The following TM4SF4 variants were observed in gnomAD, a reference collection of about 807,000 sequenced individuals.
The protein encoded by TM4SF4 is transmembrane 4 L6 family member 4.
A neutral mutation model predicts 24.1 loss-of-function variants in TM4SF4; 24 were observed. The ratio of observed to expected loss-of-function variants is 1.00; its 90% confidence interval spans 0.72 to 1.40. The LOEUF is 1.40. TM4SF4 is among the 40% of genes most tolerant of loss of function. The probability of loss-of-function intolerance (pLI) is 0.00; values close to 1 mark genes in which losing one functional copy is unlikely to be tolerated. For synonymous variants in TM4SF4, 113 were observed against 97.0 expected (o/e 1.17, Z -0.97); for missense variants, 254 against 254.2 (o/e 1.00, Z 0.01).
chr3:149,498,619 G>A (rs1212415087), intron 3 of TM4SF4, 103 bp from the exon 4 acceptor site: 5 of 987,002 alleles, frequency 5.1e-6, no homozygotes, highest in African/African-American at 4.8e-5. Context: ...AGCTAGTTTT[G>A]GGTGGAAAGT....
intron 2 of TM4SF4, among the ~76,000 whole-genome samples, chr3:149,484,363 G>T (rs1379602321): frequency 1.6e-5 from 2 of 124,348 alleles, no homozygotes; most frequent in African/African-American, 5.5e-5. Context: ...GCTTATTTTA[G>T]AATGCAATTG....
chr3:149,475,001 C>T lies in TM4SF4; in HGVS notation c.124C>T (p.Leu42Phe). ...AAAAGTGATAGATGACAACGACCAC[C>T]TTTCCCAAGAGATCTGGTTTTTCGG... ...GGKVIDDNDH[L>F]SQEIWFFGGI... The change falls in exon 1 of 5, where the codon CTT (leucine) becomes TTT (phenylalanine). Residue 42 changes from leucine (L) to phenylalanine (F), a missense_variant. Coordinates refer to ENST00000305354, the MANE Select transcript of TM4SF4 (RefSeq NM_004617.4). The T allele has an allele frequency of 6.2e-7, 1 of 1,613,886 alleles. No homozygotes were observed. The highest frequency in any genetic ancestry group is 1.1e-5 in the South Asian group (1 of 91,066).
chr3:149,478,088 T>A (rs1299959206), intron 2 of TM4SF4, among the ~76,000 whole-genome samples: 3 of 152,206 alleles, frequency 2.0e-5, no homozygotes, highest in Non-Finnish European at 4.4e-5. Flanking sequence ...CAAAACTTGG[T>A]TTTTAAAATC....
chr3:149,487,860 AGCCTCAGGCTCGGTGCTCCTTT>A, intron 3 of TM4SF4, 105 bp downstream of exon 3: 4 of 1,487,946 alleles, frequency 2.7e-6, no homozygotes, highest in Non-Finnish European at 3.7e-6. Flanking sequence ...TCCTTATGCA[AGCCTCAGGCTCGGTGCTCCTTT>A]GAGGCAGAGA....
intron 3 of TM4SF4, among the ~76,000 whole-genome samples, chr3:149,497,021 G>C (rs887181253): frequency 6.6e-6 from 1 of 152,090 alleles, no homozygotes; most frequent in African/African-American, 2.4e-5. Context: ...TTTAAAAAAA[G>C]AGAAAAAGAA....
chr3:149,497,892 A>G (rs989965574), intron 3 of TM4SF4, among the ~76,000 whole-genome samples: 1 of 152,112 alleles, frequency 6.6e-6, no homozygotes, highest in African/African-American at 2.4e-5. Context: ...TGATCTGCCC[A>G]CTTTGGCCTC....
chr3:149,484,210 C>T (rs1440607074), intron 2 of TM4SF4, among the ~76,000 whole-genome samples: 1 of 152,186 alleles, frequency 6.6e-6, no homozygotes, highest in Non-Finnish European at 1.5e-5. Flanking sequence ...CTGAATACAA[C>T]ATTTATGTGT....
chr3:149,498,676 G>T, intron 3 of TM4SF4, 46 bp from the exon 4 acceptor site: 2 of 1,571,424 alleles, frequency 1.3e-6, no homozygotes, highest in Non-Finnish European at 1.7e-6. Flanking sequence ...GGAGGGAATT[G>T]CACACTTTTT....
intron 2 of TM4SF4, among the ~76,000 whole-genome samples, chr3:149,476,826 T>G (rs190973943): frequency 3.6e-5 from 5 of 136,988 alleles, no homozygotes; most frequent in East Asian, 3.9e-4. Flanking sequence ...TTTTTTTTTT[T>G]TTTTTGAGAC....
At chr3:149,479,371 T>C (rs555105138) in intron 2 of TM4SF4, among the ~76,000 whole-genome samples, 66 of 151,524 alleles carry the variant, frequency 4.4e-4, no homozygotes, top group African/African-American at 1.6e-3. Flanking sequence ...CTTTTCTTTT[T>C]TTTTTTTTTG....
At chr3:149,486,989 C>T (rs1560030918) in intron 2 of TM4SF4, among the ~76,000 whole-genome samples, 1 of 152,190 alleles carries the variant, frequency 6.6e-6, no homozygotes, top group Non-Finnish European at 1.5e-5. Flanking sequence ...TGCGGTGACT[C>T]ACATCTGTAA....
intron 3 of TM4SF4, chr3:149,495,085 A>G (rs549569271): frequency 3.9e-6 from 1 of 258,948 alleles, no homozygotes; most frequent in African/African-American, 2.3e-5. Context: ...GAAACAACCA[A>G]TTGTTGGTGT....
At position 149,487,726 on chromosome 3, in the gene TM4SF4, T is replaced by C. The variant is rs775842843; in HGVS notation, c.372T>C (p.Asn124=). The change falls in exon 3 of 5, where the codon AAT becomes AAC. Residue 124 remains asparagine (N), a synonymous_variant. Transcript: ENST00000305354. ...INKGPKCLMA[N]STWGYPFHDG... is the part of the protein sequence containing the mutation. ...AGGGTCCTAAATGCCTCATGGCCAA[T>C]AGTACATGGGGCTACCCCTTCCACG... The C allele has an allele frequency of 1.2e-6, 2 of 1,614,012 alleles. No homozygotes were observed.
intron 3 of TM4SF4, among the ~76,000 whole-genome samples, chr3:149,491,751 G>A (rs1214597797): frequency 6.6e-6 from 1 of 152,112 alleles, no homozygotes; most frequent in East Asian, 1.9e-4. Flanking sequence ...AAGGAGTGCG[G>A]GGGGAAACTT....
chr3:149,477,405 A>G (rs1257941056), intron 2 of TM4SF4, among the ~76,000 whole-genome samples: 1 of 152,262 alleles, frequency 6.6e-6, no homozygotes, highest in Non-Finnish European at 1.5e-5. Flanking sequence ...ATGTCCACCT[A>G]AAAGATTCAT....
intron 3 of TM4SF4, among the ~76,000 whole-genome samples, chr3:149,493,031 C>T (rs1308720357): frequency 2.0e-5 from 3 of 152,220 alleles, no homozygotes; most frequent in African/African-American, 7.2e-5. Context: ...GTAACAGCAA[C>T]ATCCACCTCA....
At chr3:149,498,003 T>G (rs1001477959) in intron 3 of TM4SF4, among the ~76,000 whole-genome samples, 1 of 152,184 alleles carries the variant, frequency 6.6e-6, no homozygotes, top group African/African-American at 2.4e-5. Context: ...TATATTGCAG[T>G]TTCTCCTAAT....
rs762700734 is a variant in TM4SF4 at position 149,498,709 on chromosome 3, A to G, written c.402-13A>G. 6.8e-6 allele frequency: 11 copies of G among 1,612,930 alleles called. No homozygotes were observed. Among genetic ancestry groups the G allele is most frequent in the African/African-American group, 5.3e-5 (4 of 74,894 alleles). On this transcript the variant is annotated splice_polypyrimidine_tract_variant and intron_variant, in intron 3 of 4. Transcript: ENST00000305354. ...TTTACAAATGTTTCCTTTGTCCCCT[A>G]TATCACCAACAGGGATTATCTCAAT...
chr3:149,488,830 AACT>A (rs1224639360), intron 3 of TM4SF4, among the ~76,000 whole-genome samples: 1 of 152,130 alleles, frequency 6.6e-6, no homozygotes, highest in Non-Finnish European at 1.5e-5. Flanking sequence ...CAGGAAATAT[AACT>A]ATAGGGTCTT....
Sources: gnomAD v4.1 joint callset for allele counts (sites outside exome capture counted in the v4.1 genomes callset) on GRCh38, gnomAD v4.1.1 for gene constraint, MANE v1.5 for transcripts, NCBI Gene and HGNC (gene_info 2026-07-23, HGNC 2026-07-21) for gene names.